Variants in GALNTL5 observed in about 807,000 individuals in gnomAD.
GALNTL5 encodes the protein polypeptide N-acetylgalactosaminyltransferase like 5, also known as inactive polypeptide N-acetylgalactosaminyltransferase-like protein 5.
GALNTL5 carries 44 observed loss-of-function variants against 51.0 expected under a neutral mutation model. The ratio of observed to expected loss-of-function variants is 0.86; its 90% CI spans 0.68 to 1.11. The LOEUF (loss-of-function observed/expected upper bound fraction) is 1.11. Among genes scored for constraint, GALNTL5 ranks in the 50% least tolerant of loss-of-function variants. GALNTL5 has a pLI of 0.00. For synonymous variants in GALNTL5, 192 were observed against 182.8 expected (o/e 1.05, Z -0.41); for missense variants, 528 against 531.8 (o/e 0.99, Z 0.07).
At chr7:151,974,126 A>G (rs2081180976) in intron 3 of GALNTL5, among the ~76,000 whole-genome samples, 2 of 54,442 alleles carry the variant, frequency 3.7e-5, no homozygotes, top group Non-Finnish European at 4.1e-5. Context: ...CTCAGGTGGT[A>G]TCCTTATAGC....
chr7:152,014,563 T>G, intron 7 of GALNTL5, 81 bp from the exon 8 acceptor site: 1 of 1,381,242 alleles, frequency 7.2e-7, no homozygotes, highest in Non-Finnish European at 9.9e-7. Context: ...CCACCGCACC[T>G]GGCCATTATA....
chr7:151,996,836 T>C (rs2081506882), intron 5 of GALNTL5, among the ~76,000 whole-genome samples: 1 of 151,892 alleles, frequency 6.6e-6, no homozygotes, highest in South Asian at 2.1e-4. Flanking sequence ...TAAAAATGCT[T>C]GGTTGTAGAG....
At chr7:151,978,918 G>A (rs922776431) in intron 3 of GALNTL5, among the ~76,000 whole-genome samples, 1 of 151,924 alleles carries the variant, frequency 6.6e-6, no homozygotes, top group East Asian at 1.9e-4. Context: ...TTCCAAATAG[G>A]ATCACATTCT....
chr7:151,957,859 A>G (rs1417933279), intron 1 of GALNTL5: 1 of 152,170 alleles, frequency 6.6e-6, no homozygotes, highest in African/African-American at 2.4e-5. Context: ...CCAAAGGCCA[A>G]TCACACACCT....
chr7:151,986,797 G>T (rs866777082), intron 4 of GALNTL5, among the ~76,000 whole-genome samples: 1 of 149,850 alleles, frequency 6.7e-6, no homozygotes. Flanking sequence ...GGGCCATCTC[G>T]GCTCACTGCA....
intron 4 of GALNTL5, among the ~76,000 whole-genome samples, chr7:151,984,744 TG>T (rs547978128): frequency 3.8e-4 from 58 of 152,240 alleles, no homozygotes; most frequent in Middle Eastern, 3.4e-3. Context: ...GGTGACTTGC[TG>T]GGCAAGAAGT....
At chr7:152,004,384 T>C (rs2081617989) in intron 6 of GALNTL5, among the ~76,000 whole-genome samples, 1 of 150,804 alleles carries the variant, frequency 6.6e-6, no homozygotes, top group African/African-American at 2.4e-5. Flanking sequence ...ATATATAATA[T>C]GTATAAGAAA....
intron 2 of GALNTL5, among the ~76,000 whole-genome samples, chr7:151,968,696 A>G (rs985678587): frequency 6.6e-6 from 1 of 152,250 alleles, no homozygotes; most frequent in African/African-American, 2.4e-5. Context: ...TGAAACAAGT[A>G]TTGGGATGGC....
At position 152,014,676 on chromosome 7, in the gene GALNTL5, C is replaced by A. The variant is rs201548642; in HGVS notation, c.1059C>A (p.Ile353=). ...TGTGTGGAGGCCAACTCTTTATAAT[C>A]CCCTGCTCTCGAGTAGGACATATCA... ...IWMCGGQLFI[I]PCSRVGHISK... Residue 353 remains isoleucine (I), a synonymous_variant, in exon 8 of 9, where the codon ATC becomes ATA. Coordinates refer to ENST00000392800, the MANE Select transcript of GALNTL5 (RefSeq NM_145292.4). 1.8e-5 allele frequency: 29 copies of A among 1,612,168 alleles called. No individual in the cohort carries two copies. The highest frequency in any genetic ancestry group is 2.3e-5 in the Non-Finnish European group (27 of 1,179,344).
chr7:151,981,867 C>T (rs565229431), intron 3 of GALNTL5, among the ~76,000 whole-genome samples: 3 of 150,782 alleles, frequency 2.0e-5, no homozygotes, highest in Middle Eastern at 3.2e-3. Flanking sequence ...AGGCTGGTCT[C>T]GAACTCCTGA....
intron 2 of GALNTL5, among the ~76,000 whole-genome samples, chr7:151,969,157 C>T (rs1563003149): frequency 6.6e-6 from 1 of 152,098 alleles, no homozygotes; most frequent in Non-Finnish European, 1.5e-5. Context: ...CCCAAAATGC[C>T]TCACAATGTT....
chr7:151,986,593 C>A (rs1332719740), intron 4 of GALNTL5, among the ~76,000 whole-genome samples: 1 of 152,136 alleles, frequency 6.6e-6, no homozygotes, highest in Non-Finnish European at 1.5e-5. Context: ...TATGATCATG[C>A]CACTGCACTC....
chr7:151,957,230 G>A (rs117302947), intron 1 of GALNTL5, among the ~76,000 whole-genome samples: 1,739 of 151,708 alleles, frequency 0.011, 18 homozygotes, highest in Middle Eastern at 0.017. Flanking sequence ...ATGTTTTCCT[G>A]ATTCAATAGA....
At chr7:152,014,858 G>C in intron 8 of GALNTL5, 65 bp downstream of exon 8, 1 of 1,401,422 alleles carries the variant, frequency 7.1e-7, no homozygotes, top group Non-Finnish European at 9.6e-7. Flanking sequence ...TTCTGAGGAA[G>C]CCTGCTGCTG....
chr7:152,010,057 G>C (rs1318319035), intron 7 of GALNTL5, among the ~76,000 whole-genome samples: 2 of 151,966 alleles, frequency 1.3e-5, no homozygotes, highest in African/African-American at 2.4e-5. Context: ...ATTGAGTACT[G>C]TTATGTATGA....
chr7:151,959,184 T>G (rs182640029), intron 1 of GALNTL5, among the ~76,000 whole-genome samples: 4 of 152,292 alleles, frequency 2.6e-5, no homozygotes, highest in Non-Finnish European at 4.4e-5. Context: ...ACTATCATAT[T>G]AGTGCATGTG....
chr7:151,966,460 G>A (rs539640377), intron 1 of GALNTL5, among the ~76,000 whole-genome samples: 1 of 152,050 alleles, frequency 6.6e-6, no homozygotes, highest in African/African-American at 2.4e-5. Context: ...GTAGAGACAG[G>A]ATTTCACCAT....
At chr7:151,959,606 A>G (rs1374230478) in intron 1 of GALNTL5, among the ~76,000 whole-genome samples, 4 of 152,082 alleles carry the variant, frequency 2.6e-5, no homozygotes, top group Non-Finnish European at 5.9e-5. Context: ...CCCCTCCCTT[A>G]ATCTGTATCC....
At position 151,980,809 on chromosome 7, in the gene GALNTL5, G is replaced by A. The variant is rs547704139; in HGVS notation, c.369-2177G>A. Among the ~76,000 whole-genome samples the A allele has an allele frequency of 2.6e-4, 36 of 136,086 alleles. No individual in the cohort carries two copies. In the East Asian group the frequency reaches 7.0e-3, roughly 26 times the overall value. 89.3% of individuals were successfully genotyped at this position (136,086 alleles called of 152,430 possible). ...CGCCCAGGCTGGAGTGCAGTGGCGG[G>A]ATCTCGGCTCACTGCAAGCTCCGCC... On this transcript the variant is annotated intron_variant, in intron 3 of 8. Transcript: ENST00000392800.
Sources: gnomAD v4.1 joint callset for allele counts (sites outside exome capture counted in the v4.1 genomes callset) on GRCh38, gnomAD v4.1.1 for gene constraint, MANE v1.5 for transcripts, NCBI Gene and HGNC (gene_info 2026-07-23, HGNC 2026-07-21) for gene names.